The following GALNTL6 variants were observed in gnomAD, a reference collection of about 807,000 sequenced individuals.
GALNTL6 encodes polypeptide N-acetylgalactosaminyltransferase-like 6.
GALNTL6 carries 46 observed loss-of-function variants against 73.7 expected under a neutral mutation model. That is an observed-to-expected ratio of 0.62 (90% confidence interval 0.49 to 0.80). GALNTL6 has a LOEUF of 0.80. Among genes scored for constraint, GALNTL6 ranks in the 30% least tolerant of loss-of-function variants. GALNTL6 has a pLI of 0.00. For missense variants in GALNTL6, 604 were observed against 755.0 expected (o/e 0.80, Z 2.34); for synonymous variants, 259 against 263.7 (o/e 0.98, Z 0.17).
chr4:171,978,936 C>T (rs778105392), intron 2 of GALNTL6, among the ~76,000 whole-genome samples: 13 of 152,030 alleles, frequency 8.6e-5, no homozygotes, highest in Middle Eastern at 3.2e-3. Flanking sequence ...TATAGTTATA[C>T]ATCTTTAAAT....
chr4:172,927,976 G>T (rs1405981892), intron 8 of GALNTL6, among the ~76,000 whole-genome samples: 1 of 152,168 alleles, frequency 6.6e-6, no homozygotes, highest in Non-Finnish European at 1.5e-5. Flanking sequence ...GGAAGATATT[G>T]TGGTGTCTAA....
At chr4:171,969,783 T>C (rs76923506) in intron 2 of GALNTL6, among the ~76,000 whole-genome samples, 1 of 151,544 alleles carries the variant, frequency 6.6e-6, no homozygotes, top group African/African-American at 2.4e-5. Flanking sequence ...TTTTTTTTTT[T>C]CCTTGAGATG....
At chr4:172,679,769 A>G (rs1203694224) in intron 5 of GALNTL6, among the ~76,000 whole-genome samples, 1 of 152,244 alleles carries the variant, frequency 6.6e-6, no homozygotes, top group Non-Finnish European at 1.5e-5. Flanking sequence ...AGAGTGTTAA[A>G]GAATTTGCCC....
At chr4:172,340,524 G>A (rs1185643230) in intron 4 of GALNTL6, among the ~76,000 whole-genome samples, 1 of 152,084 alleles carries the variant, frequency 6.6e-6, no homozygotes, top group African/African-American at 2.4e-5. Flanking sequence ...GTTTTGAAGT[G>A]TATGGTTGTC....
intron 2 of GALNTL6, among the ~76,000 whole-genome samples, chr4:171,817,972 T>G (rs189090445): frequency 3.3e-5 from 5 of 151,706 alleles, no homozygotes; most frequent in Admixed American, 3.3e-4. Flanking sequence ...TGACTTAATT[T>G]TGTCTTTTTT....
chr4:172,385,930 T>A (rs1743452538), intron 5 of GALNTL6, among the ~76,000 whole-genome samples: 1 of 152,048 alleles, frequency 6.6e-6, no homozygotes, highest in African/African-American at 2.4e-5. Flanking sequence ...TATATATATT[T>A]TTCTAAAGAT....
At chr4:172,307,487 A>C (rs1353750450) in intron 3 of GALNTL6, among the ~76,000 whole-genome samples, 4 of 152,188 alleles carry the variant, frequency 2.6e-5, no homozygotes, top group Non-Finnish European at 5.9e-5. Flanking sequence ...TTATGATTTT[A>C]GGTCTAAGAT....
chr4:172,836,957 C>A (rs1742940775), intron 7 of GALNTL6, among the ~76,000 whole-genome samples: 1 of 152,140 alleles, frequency 6.6e-6, no homozygotes, highest in Admixed American at 6.6e-5. Context: ...AAATCATGTG[C>A]CTTGATTACT....
intron 5 of GALNTL6, among the ~76,000 whole-genome samples, chr4:172,438,523 A>G (rs1174420886): frequency 6.6e-6 from 1 of 152,022 alleles, no homozygotes; most frequent in Non-Finnish European, 1.5e-5. Flanking sequence ...ATCATTATAT[A>G]TTATTGTTTT....
At chr4:172,650,260 A>G (rs989227543) in intron 5 of GALNTL6, among the ~76,000 whole-genome samples, 21 of 152,194 alleles carry the variant, frequency 1.4e-4, no homozygotes, top group African/African-American at 4.8e-4. Context: ...GTGTTTTTAA[A>G]AAGAACAGCG....
chr4:172,312,208 A>C (rs2111146171), intron 4 of GALNTL6, among the ~76,000 whole-genome samples: 1 of 152,326 alleles, frequency 6.6e-6, no homozygotes, highest in Admixed American at 6.5e-5. Context: ...ATAATCCAAA[A>C]GTGATAAGTA....
rs548193237 is a variant in GALNTL6 at position 172,121,176 on chromosome 4, T to G, written c.139-108480T>G. On this transcript the variant is annotated intron_variant, in intron 2 of 12. Coordinates refer to ENST00000506823, the MANE Select transcript of GALNTL6 (RefSeq NM_001034845.3). ...CATAATTATTTTGAGATAATTATAC[T>G]TGGCGACAAAGATTAATAACAAGGG... Among the ~76,000 whole-genome samples, 7 of 152,060 alleles carry G rather than the reference T, an allele frequency of 4.6e-5. No individual in the cohort carries two copies. In the East Asian group the frequency reaches 1.2e-3, roughly 25 times the overall value.
intron 5 of GALNTL6, among the ~76,000 whole-genome samples, chr4:172,705,180 C>T (rs1734257755): frequency 6.7e-6 from 1 of 150,360 alleles, no homozygotes; most frequent in African/African-American, 2.5e-5. Flanking sequence ...TACACTCACT[C>T]TTATTATTAA....
chr4:172,640,382 T>C (rs1739917001), intron 5 of GALNTL6, among the ~76,000 whole-genome samples: 1 of 152,192 alleles, frequency 6.6e-6, no homozygotes, highest in Non-Finnish European at 1.5e-5. Flanking sequence ...GTTTTACTCA[T>C]TCTGATGATC....
intron 5 of GALNTL6, among the ~76,000 whole-genome samples, chr4:172,721,052 C>A (rs947381652): frequency 1.3e-5 from 2 of 152,022 alleles, no homozygotes; most frequent in Non-Finnish European, 2.9e-5. Context: ...TCTCTATGTT[C>A]GGGAACTATA....
At chr4:172,552,845 A>AG (rs1736007953) in intron 5 of GALNTL6, among the ~76,000 whole-genome samples, 1 of 149,892 alleles carries the variant, frequency 6.7e-6, no homozygotes, top group Non-Finnish European at 1.5e-5. Context: ...AGTAAAAAAA[A>AG]AAAAAAAAAA....
chr4:172,463,851 C>T (rs1010958263), intron 5 of GALNTL6, among the ~76,000 whole-genome samples: 1 of 152,176 alleles, frequency 6.6e-6, no homozygotes, highest in African/African-American at 2.4e-5. Context: ...AATGCCCCCA[C>T]AATATTTTGT....
At chr4:172,049,100 T>G (rs551022330) in intron 2 of GALNTL6, among the ~76,000 whole-genome samples, 2 of 152,292 alleles carry the variant, frequency 1.3e-5, no homozygotes, top group South Asian at 4.1e-4. Context: ...TTTGGAGAAG[T>G]CATCTTTTCT....
chr4:172,640,545 G>A (rs900189775), intron 5 of GALNTL6, among the ~76,000 whole-genome samples: 1 of 152,112 alleles, frequency 6.6e-6, no homozygotes, highest in African/African-American at 2.4e-5. Context: ...GGGGTCACCA[G>A]AGCTGGTTTC....
Sources: gnomAD v4.1 joint callset for allele counts (sites outside exome capture counted in the v4.1 genomes callset) on GRCh38, gnomAD v4.1.1 for gene constraint, MANE v1.5 for transcripts, NCBI Gene and HGNC (gene_info 2026-07-23, HGNC 2026-07-21) for gene names.